Variants in IPP observed in about 807,000 individuals in gnomAD.
IPP encodes the protein actin-binding protein IPP.
A neutral mutation model predicts 64.1 loss-of-function variants in IPP; 41 were observed. That is an observed-to-expected ratio of 0.64 (90% CI 0.50 to 0.83). The LOEUF is 0.83. Among genes scored for constraint, IPP ranks in the 40% least tolerant of loss-of-function variants. The pLI, the probability that IPP is intolerant of heterozygous loss-of-function variation, is 0.00. For synonymous variants in IPP, 214 were observed against 235.2 expected, an observed-to-expected ratio of 0.91 and a Z score of 0.83; for missense variants, 649 against 703.0, an observed-to-expected ratio of 0.92 and a Z score of 0.87.
chr1:45,719,394 A>G, intron 5 of IPP, 54 bp from the exon 6 acceptor site: 1 of 1,201,584 alleles, frequency 8.3e-7, no homozygotes, highest in Non-Finnish European at 1.2e-6. Context: ...CCAACAGACT[A>G]GCACCATAAC....
Position 45,700,064 on chromosome 1 carries a change from A to G in IPP, c.1657T>C (p.Leu553=), listed in dbSNP as rs368591471. ...SSHDFLAPGT[L]DSVEVYNPHS... ...GGGTTATAAACTTCAACTGAGTCCA[A>G]GGTACCTGGAGCCAAAAAATCATGG... The change falls in exon 9 of 9, where the codon TTG becomes CTG. Residue 553 remains leucine (L), a synonymous_variant. Coordinates refer to ENST00000396478, the MANE Select transcript of IPP (RefSeq NM_005897.3). The G allele has an allele frequency of 8.8e-5, 142 of 1,614,068 alleles. No homozygotes were observed. Among genetic ancestry groups the G allele is most frequent in the Non-Finnish European group, 1.1e-4 (131 of 1,180,042 alleles).
chr1:45,719,106 G>T, intron 6 of IPP, 97 bp downstream of exon 6: 1 of 1,126,650 alleles, frequency 8.9e-7, no homozygotes, highest in Non-Finnish European at 1.3e-6. Context: ...TATCTCATGT[G>T]CCCCATAAAT....
At position 45,700,211 on chromosome 1, in the gene IPP, A is replaced by AC. The variant is rs200235575; in HGVS notation, c.1531-22_1531-21insG. The AC allele has an allele frequency of 9.0e-4, 1,441 of 1,596,350 alleles. 12 individuals carry two copies. In the African/African-American group the frequency reaches 0.018, roughly 20 times the overall value. On this transcript the variant is annotated intron_variant, in intron 8 of 8. Transcript: ENST00000396478. ...TTTTCCTGGTTAAGAGAGAAAAAAA[A>AC]AATATGTTAGCAGTGTTATGAAATG...
At chr1:45,723,923 A>G (rs1645766160) in intron 5 of IPP, among the ~76,000 whole-genome samples, 1 of 151,948 alleles carries the variant, frequency 6.6e-6, no homozygotes, top group Non-Finnish European at 1.5e-5. Context: ...GCACTTTGGG[A>G]GGCTGAGGCA....
intron 8 of IPP, among the ~76,000 whole-genome samples, chr1:45,704,280 C>T (rs1447041865): frequency 6.6e-6 from 1 of 151,408 alleles, no homozygotes; most frequent in Non-Finnish European, 1.5e-5. Flanking sequence ...CTCTGTCACG[C>T]AGGCTGGAGT....
chr1:45,712,988 T>A (rs928108257), intron 8 of IPP, among the ~76,000 whole-genome samples: 3 of 151,326 alleles, frequency 2.0e-5, no homozygotes, highest in South Asian at 2.1e-4. Flanking sequence ...TGCCAACTAA[T>A]TAAAAGGCAA....
At chr1:45,728,494 G>GC (rs1349066728) in intron 4 of IPP, among the ~76,000 whole-genome samples, 3 of 151,094 alleles carry the variant, frequency 2.0e-5, no homozygotes, top group Admixed American at 6.6e-5. Flanking sequence ...AAAGTTTAAT[G>GC]CTTTTTTTTT....
intron 2 of IPP, among the ~76,000 whole-genome samples, chr1:45,743,535 T>G (rs28844317): frequency 3.3e-5 from 5 of 151,382 alleles, no homozygotes; most frequent in Non-Finnish European, 7.4e-5. Flanking sequence ...GCAACATAGC[T>G]AGACATAATC....
At chr1:45,697,636 T>C (rs186595685), downstream of IPP, among the ~76,000 whole-genome samples, 4 of 152,290 alleles carry the variant, frequency 2.6e-5, no homozygotes, top group Admixed American at 2.6e-4. Context: ...ATGATGCTTA[T>C]AGTAATATAC....
chr1:45,740,029 C>T (rs28733899), intron 3 of IPP, among the ~76,000 whole-genome samples: 60 of 151,936 alleles, frequency 3.9e-4, no homozygotes, highest in African/African-American at 1.1e-3. Flanking sequence ...TGACTCTTAA[C>T]GAGCATGCTG....
intron 5 of IPP, among the ~76,000 whole-genome samples, chr1:45,722,804 G>A (rs1645750958): frequency 6.6e-6 from 1 of 152,108 alleles, no homozygotes; most frequent in Admixed American, 6.6e-5. Flanking sequence ...TCCACACAAT[G>A]AAATATTATT....
At chr1:45,723,500 G>A (rs1645761060) in intron 5 of IPP, among the ~76,000 whole-genome samples, 1 of 152,154 alleles carries the variant, frequency 6.6e-6, no homozygotes, top group South Asian at 2.1e-4. Flanking sequence ...TTAAACAGAA[G>A]AGTTCAAGTG....
rs559500825 is a variant in IPP, at chr1:45,701,697, A to G, written c.1531-1507T>C. The stretch of plus-strand genomic sequence containing the variant: ...AAAGAGCAAGTGGCCAGGTAATGGG[A>G]GAACAGATTATCAATCTTTAAATAA... On this transcript the variant is annotated intron_variant, in intron 8 of 8. Transcript: ENST00000396478. Among the ~76,000 whole-genome samples the G allele has an allele frequency of 5.3e-4, 81 of 152,358 alleles. 1 individual carries two copies. In the South Asian group the frequency reaches 0.016, roughly 30 times the overall value.
At chr1:45,709,721 G>T (rs201661450) in intron 8 of IPP, among the ~76,000 whole-genome samples, 122 of 96,788 alleles carry the variant, frequency 1.3e-3, no homozygotes, top group East Asian at 2.0e-3. Flanking sequence ...CAGCTACTCG[G>T]GAGGCTAAGA....
At chr1:45,748,959 G>C (rs1435127271) in intron 1 of IPP, among the ~76,000 whole-genome samples, 2 of 135,548 alleles carry the variant, frequency 1.5e-5, no homozygotes, top group Non-Finnish European at 3.1e-5. Flanking sequence ...GCAACAGAGA[G>C]ACTCCGTCTC....
Position 45,746,461 on chromosome 1 carries a change from C to G in IPP, c.-50G>C. 1 of 1,441,496 alleles carries G rather than the reference C, an allele frequency of 6.9e-7. No homozygotes were observed. The highest frequency in any genetic ancestry group is 9.5e-7 in the Non-Finnish European group (1 of 1,052,166). 89.3% of individuals were successfully genotyped at this position (1,441,496 alleles called of 1,614,324 possible). A position where few individuals can be genotyped will look rare whatever the true frequency, so the allele number is the denominator to read the frequency against. On this transcript the variant is annotated splice_region_variant and 5_prime_UTR_variant, in exon 2 of 9. Transcript: ENST00000396478. ...ACTGTTGCCCATAATCTGTTACTAC[C>G]CTGAAAAACAAAATACAAAGAGATC...
intron 8 of IPP, among the ~76,000 whole-genome samples, chr1:45,710,194 T>C (rs1197226483): frequency 3.8e-4 from 38 of 99,264 alleles, no homozygotes. Flanking sequence ...TACTGCACTC[T>C]AGCCTGGCGA....
chr1:45,739,090 T>A lies in IPP; in HGVS notation c.724+1811A>T, dbSNP rs570359114. ...ACTCAGAAAAACCTACAAAATTATG[T>A]TAACATTGCTAAGAGTGGAGAAAAA... On this transcript the variant is annotated intron_variant, in intron 3 of 8. Transcript: ENST00000396478. 4.6e-5 allele frequency among the ~76,000 whole-genome samples: 7 copies of A among 152,300 alleles called. No individual in the cohort carries two copies. In the East Asian group the frequency reaches 1.2e-3, roughly 25 times the overall value.
chr1:45,694,864 T>C (rs1005797021), downstream of IPP: 1 of 178,696 alleles, frequency 5.6e-6, no homozygotes, highest in African/African-American at 2.4e-5. Context: ...ATCTTGATAT[T>C]CTAATGAGCA....
Sources: gnomAD v4.1 joint callset for allele counts (sites outside exome capture counted in the v4.1 genomes callset) on GRCh38, gnomAD v4.1.1 for gene constraint, MANE v1.5 for transcripts, NCBI Gene and HGNC (gene_info 2026-07-23, HGNC 2026-07-21) for gene names.